The following ENG variants were observed in gnomAD, a reference collection of about 807,000 sequenced individuals.
ENG encodes endoglin.
Under a neutral mutation model 71.0 loss-of-function variants are expected in ENG, and 17 were observed. The ratio of observed to expected loss-of-function variants is 0.24; its 90% CI spans 0.16 to 0.36. ENG has a LOEUF of 0.36. ENG is among the 10% of genes least tolerant of loss of function. ENG has a pLI of 1.00. For missense variants in ENG, 749 were observed against 868.3 expected (o/e 0.86, Z 1.73); for synonymous variants, 360 against 366.9 (o/e 0.98, Z 0.21).
rs1056366139 is a variant in ENG at position 127,838,777 on chromosome 9, G to A, written c.219+4317C>T. Among the ~76,000 whole-genome samples the A allele has an allele frequency of 1.3e-5, 2 of 152,090 alleles. No homozygotes were observed. Among genetic ancestry groups the A allele is most frequent in the East Asian group, 1.9e-4 (1 of 5,190 alleles). On this transcript the variant is annotated intron_variant, in intron 2 of 14. Transcript: ENST00000373203. The surrounding 1 kb of genome is among the most constrained non-coding windows in gnomAD (Gnocchi z 4.3). ...GGCCCCCTCCCGGAATCCAGGCTCC[G>A]GCCTGCCCTTCAGGGACCCAGCGAG...
intron 11 of ENG, 57 bp downstream of exon 11, chr9:127,818,659 G>T: frequency 6.4e-7 from 1 of 1,569,142 alleles, no homozygotes; most frequent in South Asian, 1.1e-5. Flanking sequence ...GGGAAGAAAG[G>T]CGGAGAGGAA....
chr9:127,835,589 G>A (rs1189466951), intron 2 of ENG, among the ~76,000 whole-genome samples: 1 of 152,180 alleles, frequency 6.6e-6, no homozygotes, highest in Non-Finnish European at 1.5e-5. Flanking sequence ...CAAGCATGCT[G>A]CAGAAGCCAG....
chr9:127,827,421 C>A (rs1472317163), intron 3 of ENG, among the ~76,000 whole-genome samples: 1 of 152,162 alleles, frequency 6.6e-6, no homozygotes, highest in African/African-American at 2.4e-5. Context: ...TTCAGCATCT[C>A]ACTGCCTACC....
chr9:127,820,483 G>A (rs1264287644), intron 8 of ENG, among the ~76,000 whole-genome samples: 7 of 151,516 alleles, frequency 4.6e-5, no homozygotes, highest in Non-Finnish European at 1.0e-4. Flanking sequence ...GTGAGCCACC[G>A]CGCCTGGCCA....
chr9:127,824,511 G>GTTT, intron 7 of ENG, 65 bp from the exon 8 acceptor site: 5 of 1,032,346 alleles, frequency 4.8e-6, no homozygotes, highest in African/African-American at 2.2e-5. Context: ...CCCGCACCAG[G>GTTT]CTTTTTTTTT....
intron 8 of ENG, among the ~76,000 whole-genome samples, chr9:127,824,068 A>G (rs890987118): frequency 6.6e-6 from 1 of 152,170 alleles, no homozygotes; most frequent in African/African-American, 2.4e-5. Context: ...ATTATTTACT[A>G]AGCACTTACT....
chr9:127,848,714 T>C (rs1464348183), intron 1 of ENG, among the ~76,000 whole-genome samples: 1 of 152,088 alleles, frequency 6.6e-6, no homozygotes, highest in Non-Finnish European at 1.5e-5. Context: ...AGGTGTGCTG[T>C]TTTGATTTGT....
intron 2 of ENG, among the ~76,000 whole-genome samples, chr9:127,832,344 G>C (rs1003369508): frequency 6.6e-6 from 1 of 152,064 alleles, no homozygotes; most frequent in Non-Finnish European, 1.5e-5. Flanking sequence ...CAAAGTGCTG[G>C]AATTACAGGC....
chr9:127,852,982 C>T (rs1413617021), intron 1 of ENG, among the ~76,000 whole-genome samples: 1 of 152,140 alleles, frequency 6.6e-6, no homozygotes, highest in Non-Finnish European at 1.5e-5. Context: ...GGTAGGGGCT[C>T]CGTCTTAGCC....
At chr9:127,829,482 C>T (rs564909448) in intron 3 of ENG, among the ~76,000 whole-genome samples, 1 of 152,318 alleles carries the variant, frequency 6.6e-6, no homozygotes, top group East Asian at 1.9e-4. Context: ...TTGGTCTAGA[C>T]TCTTTACTGT....
chr9:127,817,238 TTGGGAGGCGGCTTCCAGGTTTACTCCC>T, intron 12 of ENG, 35 bp from the exon 13 acceptor site: 3 of 1,612,764 alleles, frequency 1.9e-6, no homozygotes, highest in Non-Finnish European at 2.5e-6. Context: ...TGTGGCACCT[TTGGGAGGCGGCTTCCAGGTTTACTCCC>T]TGGCTCCGTG....
At chr9:127,821,006 G>A (rs915555910) in intron 8 of ENG, among the ~76,000 whole-genome samples, 2 of 152,188 alleles carry the variant, frequency 1.3e-5, no homozygotes, top group African/African-American at 4.8e-5. Flanking sequence ...CAATGTTGTG[G>A]TCGGTGATGG....
In ENG at chr9:127,826,692, C is replaced by T. The variant is rs753572891; in HGVS notation, c.361-20G>A. On this transcript the variant is annotated intron_variant, in intron 3 of 14. Coordinates refer to ENST00000373203, the MANE Select transcript of ENG (RefSeq NM_001114753.3). The stretch of plus-strand genomic sequence containing the variant: ...GGAATTCTGGGGAGACATGTGGAGG[C>T]TCAGCACGCTGTTCCTGGCCCTGTG... 5 of 1,612,626 alleles carry T rather than the reference C, an allele frequency of 3.1e-6. No individual in the cohort carries two copies. The highest frequency in any genetic ancestry group is 1.3e-5 in the African/African-American group (1 of 74,850).
In ENG at chr9:127,842,884, G is replaced by A. The variant is rs527660642; in HGVS notation, c.219+210C>T. Among the ~76,000 whole-genome samples the A allele has an allele frequency of 2.6e-5, 4 of 152,200 alleles. No homozygotes were observed. In the South Asian group the frequency reaches 8.3e-4, roughly 32 times the overall value. ...GCTCTTCCCACCTGAGTCTTCTGGT[G>A]GCACCCAAAAGACTGCCCTGATCCA... is the stretch of plus-strand genomic sequence containing the variant. On this transcript the variant is annotated intron_variant, in intron 2 of 14. Coordinates refer to ENST00000373203, the MANE Select transcript of ENG (RefSeq NM_001114753.3).
At chr9:127,853,265 TGGG>T (rs1242644365) in intron 1 of ENG, among the ~76,000 whole-genome samples, 1 of 150,740 alleles carries the variant, frequency 6.6e-6, no homozygotes, top group African/African-American at 2.5e-5. Context: ...GGTGGGGAGG[TGGG>T]GAGAAGTTGG....
intron 2 of ENG, among the ~76,000 whole-genome samples, chr9:127,833,138 G>T (rs1392961502): frequency 6.6e-6 from 1 of 152,180 alleles, no homozygotes; most frequent in Admixed American, 6.6e-5. Context: ...AGAAGAAAAA[G>T]AACACAGCAA....
rs1830583292 is a variant in ENG, at chr9:127,825,327, C to G, written c.720G>C (p.Leu240=). 2 of 1,610,784 alleles carry G rather than the reference C, an allele frequency of 1.2e-6. No homozygotes were observed. Among genetic ancestry groups the G allele is most frequent in the East Asian group, 2.2e-5 (1 of 44,780 alleles). ...CATCGAGATCCCCGGGTGCGCAGCT[C>G]AGTTCCACCTTCACCGTCACCGTCC... is the stretch of plus-strand genomic sequence containing the variant. The part of the protein sequence containing the change: ...GPRTVTVKVE[L]SCAPGDLDAV... Residue 240 remains leucine (L), a synonymous_variant, in exon 6 of 15, where the codon CTG becomes CTC. Transcript: ENST00000373203.
Position 127,846,981 on chromosome 9 carries a change from T to C in ENG, c.68-3736A>G, listed in dbSNP as rs1831181733. ...CAAGAAAAACAGCTCTGGAGCCAGATGGCCTGGATCAAATCCCAGCTCTGC... is the reference window on the plus strand; with the variant it reads ...CAAGAAAAACAGCTCTGGAGCCAGACGGCCTGGATCAAATCCCAGCTCTGC... On this transcript the variant is annotated intron_variant, in intron 1 of 14. Coordinates refer to ENST00000373203, the MANE Select transcript of ENG (RefSeq NM_001114753.3). The surrounding 1 kb of genome is among the most constrained non-coding windows in gnomAD (Gnocchi z 5.5). The C allele has an allele frequency of 1.0e-6, 1 of 983,942 alleles. No individual in the cohort carries two copies. Among genetic ancestry groups the C allele is most frequent in the Middle Eastern group, 5.2e-4 (1 of 1,914 alleles). 61.0% of individuals were successfully genotyped at this position (983,942 alleles called of 1,614,324 possible). A position where few individuals can be genotyped will look rare whatever the true frequency, so the allele number is the denominator to read the frequency against.
intron 1 of ENG, among the ~76,000 whole-genome samples, chr9:127,848,184 CCAGT>C (rs1439374706): frequency 6.6e-6 from 1 of 152,114 alleles, no homozygotes; most frequent in African/African-American, 2.4e-5. Context: ...TTATTTATGC[CCAGT>C]CAGTGGGGAT....
Sources: gnomAD v4.1 joint callset for allele counts (sites outside exome capture counted in the v4.1 genomes callset) on GRCh38, gnomAD v4.1.1 for gene constraint, Gnocchi (gnomAD v3.1) non-coding constraint, MANE v1.5 for transcripts, NCBI Gene and HGNC (gene_info 2026-07-23, HGNC 2026-07-21) for gene names.